Variants in AGBL1 observed in about 807,000 individuals in gnomAD.
AGBL1 encodes the protein AGBL carboxypeptidase 1, also known as cytosolic carboxypeptidase 4.
AGBL1 carries 130 observed loss-of-function variants against 118.9 expected under a neutral mutation model. The ratio of observed to expected loss-of-function variants is 1.09; its 90% CI spans 0.95 to 1.26. The LOEUF is 1.26. Among genes scored for constraint, AGBL1 ranks in the 50% most tolerant of loss-of-function variants. The pLI is 0.00. For missense variants in AGBL1, 1,584 were observed against 1,298.1 expected, an observed-to-expected ratio of 1.22 and a Z score of -3.38; for synonymous variants, 555 against 478.9, an observed-to-expected ratio of 1.16 and a Z score of -2.08.
At chr15:86,259,959 G>A (rs539931659) in intron 9 of AGBL1, among the ~76,000 whole-genome samples, 2 of 152,344 alleles carry the variant, frequency 1.3e-5, no homozygotes, top group African/African-American at 4.8e-5. Flanking sequence ...GGATGGAGGG[G>A]TGGGGTAGAG....
intron 18 of AGBL1, among the ~76,000 whole-genome samples, chr15:86,406,712 T>C (rs1440076433): frequency 6.6e-6 from 1 of 152,216 alleles, no homozygotes; most frequent in Admixed American, 6.5e-5. Context: ...ATATCAGCTA[T>C]ATCTTTAAGT....
In AGBL1 at chr15:86,998,267, A is replaced by G. The variant is rs74025757; in HGVS notation, c.3323+10179A>G. On this transcript the variant is annotated intron_variant, in intron 24 of 24. Coordinates refer to the AGBL1 transcript ENST00000441037. ...AAAAGACTGTAACATTTGTATTTCAAGTAGATTCTCTCAATTGACTCTATC... is the reference window on the plus strand; with the variant it reads ...AAAAGACTGTAACATTTGTATTTCAGGTAGATTCTCTCAATTGACTCTATC... Among the ~76,000 whole-genome samples the G allele has an allele frequency of 2.9e-3, 444 of 152,320 alleles. 2 individuals carry two copies. The highest frequency in any genetic ancestry group is 9.9e-3 in the African/African-American group (412 of 41,580).
At chr15:86,419,021 T>C (rs941575025) in intron 18 of AGBL1, among the ~76,000 whole-genome samples, 2 of 151,084 alleles carry the variant, frequency 1.3e-5, no homozygotes, top group Non-Finnish European at 3.0e-5. Context: ...TATGAGTAGA[T>C]CATAGATGGC....
intron 21 of AGBL1, among the ~76,000 whole-genome samples, chr15:86,638,454 C>A (rs12898625): frequency 6.6e-6 from 1 of 152,156 alleles, no homozygotes; most frequent in African/African-American, 2.4e-5. Context: ...ATCATATTAT[C>A]ACTCTATCTT....
At chr15:86,160,455 G>A (rs1468196594) in intron 5 of AGBL1, among the ~76,000 whole-genome samples, 1 of 152,184 alleles carries the variant, frequency 6.6e-6, no homozygotes, top group African/African-American at 2.4e-5. Flanking sequence ...GTACATCTGA[G>A]TTCTAAGAAG....
chr15:86,362,990 T>G (rs1422968570), intron 17 of AGBL1, among the ~76,000 whole-genome samples: 3 of 152,284 alleles, frequency 2.0e-5, no homozygotes, highest in East Asian at 3.9e-4. Context: ...CTCCAGAGTT[T>G]CTTGGCACAT....
intron 5 of AGBL1, among the ~76,000 whole-genome samples, chr15:86,201,116 G>T (rs546712715): frequency 6.6e-6 from 1 of 152,034 alleles, no homozygotes; most frequent in South Asian, 2.1e-4. Context: ...AAATAGTCTT[G>T]TCTATTATTA....
At position 86,266,964 on chromosome 15, in the gene AGBL1, T is replaced by C. The variant is rs751491332; in HGVS notation, c.1752-26T>C. ...TCAAAGAGTAGTGATAACACATATGTTCACATGTTCCTTATTTCATTGTAG... is the reference window on the plus strand; with the variant it reads ...TCAAAGAGTAGTGATAACACATATGCTCACATGTTCCTTATTTCATTGTAG... On this transcript the variant is annotated intron_variant, in intron 12 of 22. Transcript: ENST00000614907. The C allele has an allele frequency of 3.3e-6, 5 of 1,493,472 alleles. No homozygotes were observed. The African/African-American group carries it at 6.9e-5, about 21-fold the overall frequency. 92.5% of individuals were successfully genotyped at this position (1,493,472 alleles called of 1,614,324 possible). A position where few individuals can be genotyped will look rare whatever the true frequency, so the allele number is the denominator to read the frequency against.
chr15:86,951,357 C>T (rs141738786), intron 23 of AGBL1, among the ~76,000 whole-genome samples: 11 of 152,248 alleles, frequency 7.2e-5, no homozygotes, highest in South Asian at 2.1e-4. Flanking sequence ...TAAATACTTA[C>T]GTTCATCAAA....
At chr15:86,627,002 T>G (rs2084898634) in intron 21 of AGBL1, among the ~76,000 whole-genome samples, 1 of 150,980 alleles carries the variant, frequency 6.6e-6, no homozygotes, top group African/African-American at 2.5e-5. Context: ...AACGACCAGC[T>G]AATTTTTTTT....
At chr15:86,645,520 G>T (rs1456937307) in intron 21 of AGBL1, among the ~76,000 whole-genome samples, 1 of 152,168 alleles carries the variant, frequency 6.6e-6, no homozygotes, top group African/African-American at 2.4e-5. Flanking sequence ...GTGGAGTTTG[G>T]CACATTGCCT....
At chr15:86,088,862 T>C (rs1530429) in intron 1 of AGBL1, among the ~76,000 whole-genome samples, 132,110 of 152,114 alleles carry the variant, frequency 0.87, 57,457 homozygotes, top group Middle Eastern at 0.91. Context: ...TCTCATTTAC[T>C]TGTCTGCATA....
chr15:86,575,951 CATACAT>C (rs1012922559), intron 21 of AGBL1, among the ~76,000 whole-genome samples: 2 of 152,156 alleles, frequency 1.3e-5, no homozygotes, highest in African/African-American at 4.8e-5. Flanking sequence ...ACTACACAAA[CATACAT>C]ATACAAGAAA....
chr15:86,104,232 A>G (rs1323506893), intron 1 of AGBL1, among the ~76,000 whole-genome samples: 2 of 152,122 alleles, frequency 1.3e-5, no homozygotes, highest in Non-Finnish European at 2.9e-5. Context: ...GCCCTCTGGT[A>G]GTGCATACAG....
chr15:86,092,706 G>C (rs1039679383), intron 1 of AGBL1, among the ~76,000 whole-genome samples: 12 of 152,116 alleles, frequency 7.9e-5, no homozygotes, highest in Admixed American at 7.9e-4. Flanking sequence ...CAAGATCAAG[G>C]GGCTGGCATC....
At chr15:86,766,316 AT>A (rs1169749692) in intron 22 of AGBL1, among the ~76,000 whole-genome samples, 1 of 151,680 alleles carries the variant, frequency 6.6e-6, no homozygotes, top group East Asian at 1.9e-4. Context: ...TCACTCCACT[AT>A]TTTTTCTTGT....
intron 17 of AGBL1, among the ~76,000 whole-genome samples, chr15:86,376,017 T>C (rs1208395050): frequency 6.6e-6 from 1 of 152,226 alleles, no homozygotes; most frequent in Non-Finnish European, 1.5e-5. Flanking sequence ...AAGTTGGATC[T>C]GAGTAGGCAT....
chr15:86,518,505 TG>T (rs2083149055), intron 18 of AGBL1, among the ~76,000 whole-genome samples: 1 of 152,126 alleles, frequency 6.6e-6, no homozygotes, highest in Non-Finnish European at 1.5e-5. Context: ...GAGATGCTTT[TG>T]TTTGGTCATA....
At chr15:86,867,163 G>A (rs1245261279) in intron 22 of AGBL1, among the ~76,000 whole-genome samples, 1 of 152,038 alleles carries the variant, frequency 6.6e-6, no homozygotes, top group African/African-American at 2.4e-5. Flanking sequence ...CCTTTTCTTG[G>A]GGGTGGGGGA....
Sources: allele counts gnomAD v4.1 joint callset (sites outside exome capture counted in the v4.1 genomes callset), GRCh38; gene constraint gnomAD v4.1.1; transcripts MANE v1.5; gene names NCBI Gene and HGNC (gene_info 2026-07-23, HGNC 2026-07-21).